TMEM182: variants seen among roughly 807,000 people sequenced by gnomAD.
TMEM182 encodes the protein transmembrane protein 182.
Under a neutral mutation model 26.8 loss-of-function variants are expected in TMEM182, and 20 were observed. The ratio of observed to expected loss-of-function variants is 0.75; its 90% CI spans 0.53 to 1.09. TMEM182 has a LOEUF of 1.09. Among genes scored for constraint, TMEM182 ranks in the 50% least tolerant of loss-of-function variants. The pLI is 0.00. For synonymous variants in TMEM182, 109 were observed against 102.2 expected, an observed-to-expected ratio of 1.07 and a Z score of -0.40; for missense variants, 277 against 275.5, an observed-to-expected ratio of 1.01 and a Z score of -0.04.
At chr2:102,829,014 T>G (rs1340171526) in intron 3 of TMEM182, among the ~76,000 whole-genome samples, 1 of 152,212 alleles carries the variant, frequency 6.6e-6, no homozygotes, top group Non-Finnish European at 1.5e-5. Context: ...TAAAAGTTGT[T>G]CATTTAAGTG....
Position 102,817,087 on chromosome 2 carries a change from A to G in TMEM182, c.*2119A>G, listed in dbSNP as rs1440956030. ...TTCAAGCACATTTCTTGATCAATTT[A>G]CCAGCAACCCTCTGAAGGAATGAAG... On this transcript the variant is annotated 3_prime_UTR_variant, in exon 5 of 5. Transcript: ENST00000412401. The G allele has an allele frequency of 8.1e-6, 8 of 985,478 alleles. No individual in the cohort carries two copies. The highest frequency in any genetic ancestry group is 9.6e-6 in the Non-Finnish European group (8 of 829,934). The allele number at this position is 985,478 out of a possible 1,614,324, so 61.0% of individuals were successfully genotyped here. A position where few individuals can be genotyped will look rare whatever the true frequency, so the allele number is the denominator to read the frequency against.
chr2:102,840,582 C>T (rs1377192120), intron 3 of TMEM182, among the ~76,000 whole-genome samples: 2 of 151,866 alleles, frequency 1.3e-5, no homozygotes, highest in Non-Finnish European at 2.9e-5. Context: ...ATATAGAGGA[C>T]GCAATAAAGA....
chr2:102,768,409 C>T (rs146377778), intron 3 of TMEM182, among the ~76,000 whole-genome samples: 35 of 151,958 alleles, frequency 2.3e-4, no homozygotes, highest in African/African-American at 8.0e-4. Flanking sequence ...TTTGTTTGGC[C>T]AGGCATGGTA....
intron 1 of TMEM182, 84 bp from the exon 2 acceptor site, chr2:102,762,503 A>T: frequency 2.9e-5 from 45 of 1,538,180 alleles, no homozygotes; most frequent in Non-Finnish European, 3.9e-5. Flanking sequence ...GATAAAATAC[A>T]TGTCCTTAAA....
intron 3 of TMEM182, among the ~76,000 whole-genome samples, chr2:102,829,868 T>C (rs1338903618): frequency 2.0e-5 from 3 of 152,106 alleles, no homozygotes; most frequent in Non-Finnish European, 4.4e-5. Flanking sequence ...TTAAACTGCA[T>C]TGAAGGTTTC....
intron 3 of TMEM182, among the ~76,000 whole-genome samples, chr2:102,782,076 C>A (rs1013287393): frequency 6.6e-6 from 1 of 152,128 alleles, no homozygotes; most frequent in African/African-American, 2.4e-5. Context: ...GAGGCCGAGG[C>A]AGGTGAATCA....
Position 102,779,618 on chromosome 2 carries a change from A to T in TMEM182, c.331+15191A>T, listed in dbSNP as rs182304884. 3.9e-5 allele frequency among the ~76,000 whole-genome samples: 6 copies of T among 152,026 alleles called. No homozygotes were observed. In the East Asian group the frequency reaches 1.2e-3, roughly 29 times the overall value. On this transcript the variant is annotated intron_variant, in intron 3 of 4. Coordinates refer to ENST00000412401, the MANE Select transcript of TMEM182 (RefSeq NM_144632.5). ...CCCTTCATTCAGCTGTAAAACACAT[A>T]TGTTAATGTTTTCATTTTAGTAATT...
At chr2:102,745,911 AAC>A in intron 1 of TMEM182, among the ~76,000 whole-genome samples, 1 of 152,280 alleles carries the variant, frequency 6.6e-6, no homozygotes, top group Non-Finnish European at 1.5e-5. Flanking sequence ...TGCTGCTATG[AAC>A]ATTTGTGTAT....
chr2:102,752,705 T>G (rs1212483599), intron 1 of TMEM182, among the ~76,000 whole-genome samples: 1 of 152,254 alleles, frequency 6.6e-6, no homozygotes, highest in African/African-American at 2.4e-5. Flanking sequence ...CATTAGAGCC[T>G]CTTACAAGCA....
chr2:102,751,770 G>A (rs369664666), intron 1 of TMEM182, among the ~76,000 whole-genome samples: 69 of 152,252 alleles, frequency 4.5e-4, no homozygotes, highest in African/African-American at 1.6e-3. Flanking sequence ...GGGCTCAAGC[G>A]ATCCTCCTGC....
chr2:102,761,908 G>C, upstream of TMEM182: 1 of 282,002 alleles, frequency 3.5e-6, no homozygotes. Context: ...CTATAGTCAA[G>C]AGAAGGTCAG....
upstream of TMEM182, among the ~76,000 whole-genome samples, chr2:102,757,819 T>C (rs1332119143): frequency 1.3e-5 from 2 of 152,158 alleles, no homozygotes; most frequent in East Asian, 3.9e-4. Context: ...CTGGGAAGCC[T>C]CAGGAAACTT....
chr2:102,772,122 G>T (rs903998881), intron 3 of TMEM182, among the ~76,000 whole-genome samples: 3 of 152,116 alleles, frequency 2.0e-5, no homozygotes, highest in Non-Finnish European at 4.4e-5. Context: ...TTTCATGCAG[G>T]GTATTCAAAC....
chr2:102,819,168 T>G (rs961092085), downstream of TMEM182, among the ~76,000 whole-genome samples: 1 of 152,202 alleles, frequency 6.6e-6, no homozygotes, highest in African/African-American at 2.4e-5. Context: ...TTAGCATTTT[T>G]CCCCATTAAT....
chr2:102,765,233 G>A (rs770419244), intron 3 of TMEM182, among the ~76,000 whole-genome samples: 1 of 152,078 alleles, frequency 6.6e-6, no homozygotes, highest in Non-Finnish European at 1.5e-5. Context: ...GGCCTGGTGA[G>A]TCTGAAATCT....
chr2:102,756,914 A>G (rs548089454), intron 1 of TMEM182, among the ~76,000 whole-genome samples: 3 of 152,168 alleles, frequency 2.0e-5, no homozygotes, highest in African/African-American at 7.2e-5. Context: ...CCGGGGTTGA[A>G]GCAATTCTCT....
chr2:102,778,355 AC>A (rs1183683446), intron 3 of TMEM182, among the ~76,000 whole-genome samples: 1 of 151,870 alleles, frequency 6.6e-6, no homozygotes, highest in Admixed American at 6.6e-5. Context: ...ATGATATAAC[AC>A]TTTTTCATTC....
intron 4 of TMEM182, among the ~76,000 whole-genome samples, chr2:102,812,384 TACACACACACACACACACACAC>T (rs61175945): frequency 0.011 from 1,569 of 143,324 alleles, 33 homozygotes; most frequent in African/African-American, 0.039. Flanking sequence ...TCTACACATG[TACACACACACACACACACACAC>T]ACACACACAC....
intron 3 of TMEM182, among the ~76,000 whole-genome samples, chr2:102,778,013 G>T (rs1205645111): frequency 6.6e-6 from 1 of 151,912 alleles, no homozygotes; most frequent in Non-Finnish European, 1.5e-5. Context: ...ATGTTGATTA[G>T]TTAGATTCTG....
Sources: allele counts gnomAD v4.1 joint callset (sites outside exome capture counted in the v4.1 genomes callset), GRCh38; gene constraint gnomAD v4.1.1; transcripts MANE v1.5; gene names NCBI Gene and HGNC (gene_info 2026-07-23, HGNC 2026-07-21).